SCN9A: variants seen among roughly 807,000 people sequenced by gnomAD.
SCN9A encodes sodium channel protein type 9 subunit alpha.
Under a neutral mutation model 187.0 loss-of-function variants are expected in SCN9A, and 131 were observed. The observed-to-expected ratio is 0.70, with a 90% CI of 0.61 to 0.81. The LOEUF (loss-of-function observed/expected upper bound fraction) is 0.81, where lower values mean the gene tolerates loss of function less well. Among genes scored for constraint, SCN9A ranks in the 30% least tolerant of loss-of-function variants. The pLI, the probability that SCN9A is intolerant of heterozygous loss-of-function variation, is 0.00. For missense variants in SCN9A, 2,252 were observed against 2,396.6 expected (o/e 0.94, Z 1.26); for synonymous variants, 809 against 808.6 (o/e 1.00, Z -0.01).
chr2:166,315,500 C>G (rs141315817), intron 1 of SCN9A, among the ~76,000 whole-genome samples: 91 of 152,280 alleles, frequency 6.0e-4, no homozygotes, highest in Non-Finnish European at 1.2e-3. Flanking sequence ...TTTCCCTGAT[C>G]AAGCTAAATT....
intron 1 of SCN9A, among the ~76,000 whole-genome samples, chr2:166,367,567 C>T (rs11681893): frequency 0.3 from 46,265 of 152,074 alleles, 9,619 homozygotes; most frequent in African/African-American, 0.6. Context: ...GCCTGGCCCA[C>T]CCTAGACATT....
rs190635124 is a variant in SCN9A, at chr2:166,245,160, A to C, written c.3473-2504T>G. On this transcript the variant is annotated intron_variant, in intron 18 of 26. Transcript: ENST00000642356. ...AAACTATACTTGTTTATTAGCTGCA[A>C]AAATAGGTTGCCTATACATGCAAAA... Among the ~76,000 whole-genome samples, 84 of 152,150 alleles carry C rather than the reference A, an allele frequency of 5.5e-4. 1 individual carries two copies. The Middle Eastern group carries it at 0.02, about 37-fold the overall frequency.
chr2:166,259,612 T>C (rs78607557), intron 17 of SCN9A, among the ~76,000 whole-genome samples: 9,915 of 151,924 alleles, frequency 0.065, 381 homozygotes, highest in Non-Finnish European at 0.089. Flanking sequence ...AACATTTAAA[T>C]ATAAGTGATT....
At chr2:166,361,115 T>C (rs1183149227) in intron 1 of SCN9A, among the ~76,000 whole-genome samples, 2 of 151,702 alleles carry the variant, frequency 1.3e-5, no homozygotes, top group Non-Finnish European at 2.9e-5. Context: ...CTGAAAATGA[T>C]AATCCTTTAA....
Position 166,272,425 on chromosome 2 carries a change from C to T in SCN9A, c.3325G>A (p.Asp1109Asn). ...ENMNAEELSS[D>N]SDSEYSKVRL... The stretch of plus-strand genomic sequence containing the variant: ...ACTTTGCTGTATTCACTATCCGAAT[C>T]ACTGCTAAGTTCCTCAGCATTCATA... The change falls in exon 17 of 27, where the codon GAT becomes AAT. Residue 1109 changes from aspartate (D) to asparagine (N), a missense_variant. By Grantham distance (23) the Asp-to-Asn change is conservative. This residue lies in a region of SCN9A where 313 missense variants were observed against 295.3 expected (regional missense o/e 1.06). Transcript: ENST00000642356. 6.3e-7 allele frequency: 1 copy of T among 1,599,456 alleles called. No individual in the cohort carries two copies. The highest frequency in any genetic ancestry group is 8.5e-7 in the Non-Finnish European group (1 of 1,170,368).
chr2:166,250,392 A>G (rs960878668), intron 18 of SCN9A, among the ~76,000 whole-genome samples: 1 of 152,154 alleles, frequency 6.6e-6, no homozygotes, highest in Non-Finnish European at 1.5e-5. Context: ...TAAGTTTATA[A>G]TCATTATCTT....
At chr2:166,363,526 G>A (rs1338751086) in intron 1 of SCN9A, among the ~76,000 whole-genome samples, 1 of 151,830 alleles carries the variant, frequency 6.6e-6, no homozygotes, top group Admixed American at 6.6e-5. Context: ...TTTAATACTG[G>A]TATAAAAGAA....
intron 3 of SCN9A, 137 bp from the exon 4 acceptor site, chr2:166,306,736 C>A: frequency 9.8e-6 from 7 of 716,324 alleles, no homozygotes; most frequent in Non-Finnish European, 1.7e-5. Context: ...TCTCTTTGAA[C>A]AAGAGAGTAA....
intron 10 of SCN9A, 56 bp downstream of exon 10, chr2:166,288,381 G>A: frequency 7.0e-7 from 1 of 1,426,012 alleles, no homozygotes; most frequent in Non-Finnish European, 9.8e-7. Context: ...CAGAGCCTCT[G>A]TTGTAACCGT....
At chr2:166,316,770 C>T (rs1385577939) in intron 1 of SCN9A, among the ~76,000 whole-genome samples, 2 of 152,118 alleles carry the variant, frequency 1.3e-5, no homozygotes, top group Non-Finnish European at 2.9e-5. Context: ...CACGTGAATT[C>T]GTTTATATTG....
intron 2 of SCN9A, among the ~76,000 whole-genome samples, chr2:166,308,916 ACT>A (rs1337645679): frequency 9.5e-6 from 1 of 105,426 alleles, no homozygotes; most frequent in African/African-American, 4.5e-5. Flanking sequence ...ACAGAGGGAG[ACT>A]CTGTCTCAAA....
rs193022123 is a variant in SCN9A, at chr2:166,232,404, A to G, written c.3924+936T>C. On this transcript the variant is annotated intron_variant, in intron 21 of 26. Coordinates refer to ENST00000642356, the MANE Select transcript of SCN9A (RefSeq NM_001365536.1). ...TAGTTATAATTCCACTTACTTTGCA[A>G]TGTTATTTTAAAGGTGAAATTAAAT... 3.8e-4 allele frequency among the ~76,000 whole-genome samples: 58 copies of G among 152,232 alleles called. No individual in the cohort carries two copies. The South Asian group carries it at 5.2e-3, about 14-fold the overall frequency.
Position 166,226,693 on chromosome 2 carries a change from C to T in SCN9A, c.4272G>A (p.Gln1424=). The T allele has an allele frequency of 6.4e-7, 1 of 1,565,674 alleles. No individual in the cohort carries two copies. Among genetic ancestry groups the T allele is most frequent in the Admixed American group, 2.0e-5 (1 of 51,152 alleles). Residue 1424 remains glutamine (Q), a synonymous_variant, in exon 24 of 27, where the codon CAG becomes CAA. Transcript: ENST00000642356. ...TGTAGAGGCTATATTCATATTTGGG[C>T]TGCTTGTCTACCTATAAAATTTACA... The part of the protein sequence containing the change: ...AAVDSVNVDK[Q]PKYEYSLYMY...
chr2:166,257,287 C>T (rs4633936), intron 17 of SCN9A, among the ~76,000 whole-genome samples: 120,641 of 151,496 alleles, frequency 0.8, 48,603 homozygotes, highest in Non-Finnish European at 0.85. Context: ...AACATAAAGG[C>T]AAAGTGTAGA....
chr2:166,231,435 T>C (rs951156645), intron 21 of SCN9A, among the ~76,000 whole-genome samples: 1 of 152,098 alleles, frequency 6.6e-6, no homozygotes, highest in Non-Finnish European at 1.5e-5. Flanking sequence ...CAGTGAAGAT[T>C]TGGTAGGCTG....
At chr2:166,335,293 A>G (rs1699599971) in intron 1 of SCN9A, among the ~76,000 whole-genome samples, 1 of 152,160 alleles carries the variant, frequency 6.6e-6, no homozygotes, top group African/African-American at 2.4e-5. Flanking sequence ...CAATGAAAGG[A>G]TTGCAAACTT....
intron 10 of SCN9A, among the ~76,000 whole-genome samples, chr2:166,288,114 T>TAC (rs1303192440): frequency 1.0e-5 from 1 of 96,516 alleles, no homozygotes; most frequent in Non-Finnish European, 2.1e-5. Context: ...TATATATATA[T>TAC]ATATATACAC....
chr2:166,228,611 A>G, intron 22 of SCN9A, 80 bp downstream of exon 22: 2 of 1,206,698 alleles, frequency 1.7e-6, no homozygotes, highest in South Asian at 3.1e-5. Flanking sequence ...TTTATAATTA[A>G]TATACTATTT....
intron 12 of SCN9A, 93 bp downstream of exon 12, chr2:166,284,360 A>G: frequency 7.0e-7 from 1 of 1,434,156 alleles, no homozygotes; most frequent in Non-Finnish European, 9.5e-7. Flanking sequence ...ATGCAGAGCC[A>G]TTCACAAGAC....
Sources: allele counts gnomAD v4.1 joint callset (sites outside exome capture counted in the v4.1 genomes callset), GRCh38; gene constraint gnomAD v4.1.1; regional missense constraint gnomAD v4.1.1; transcripts MANE v1.5; gene names NCBI Gene and HGNC (gene_info 2026-07-23, HGNC 2026-07-21).